Variants in PPM1B observed in about 807,000 individuals in gnomAD.
PPM1B encodes the protein protein phosphatase 1B.
In PPM1B, 22 loss-of-function variants were observed where a neutral mutation model predicts 43.0. The ratio of observed to expected loss-of-function variants is 0.51; its 90% CI spans 0.37 to 0.73. The LOEUF (loss-of-function observed/expected upper bound fraction) is 0.73. Among genes scored for constraint, PPM1B ranks in the 30% least tolerant of loss-of-function variants. The pLI is 0.00. For synonymous variants in PPM1B, 217 were observed against 197.9 expected, an observed-to-expected ratio of 1.10 and a Z score of -0.81; for missense variants, 632 against 584.2, an observed-to-expected ratio of 1.08 and a Z score of -0.84.
downstream of PPM1B, among the ~76,000 whole-genome samples, chr2:44,235,066 T>A (rs572349288): frequency 1.3e-5 from 2 of 152,326 alleles, no homozygotes; most frequent in South Asian, 4.1e-4. Flanking sequence ...CAGATAACTG[T>A]GGATATCAAA....
At chr2:44,170,187 T>G (rs1212257130) in intron 1 of PPM1B, among the ~76,000 whole-genome samples, 1 of 152,190 alleles carries the variant, frequency 6.6e-6, no homozygotes, top group Non-Finnish European at 1.5e-5. Flanking sequence ...AAAAAGTGCT[T>G]CTTAGGCGTT....
chr2:44,212,275 A>G (rs919855372), intron 3 of PPM1B, among the ~76,000 whole-genome samples: 2 of 152,152 alleles, frequency 1.3e-5, no homozygotes, highest in Non-Finnish European at 2.9e-5. Flanking sequence ...TTTCATATTT[A>G]TAACTCTCTT....
chr2:44,181,758 AAG>A (rs1180407246), intron 1 of PPM1B, among the ~76,000 whole-genome samples: 3 of 152,152 alleles, frequency 2.0e-5, no homozygotes, highest in Non-Finnish European at 2.9e-5. Flanking sequence ...GTTATATTTG[AAG>A]AGAGATGTAG....
chr2:44,188,816 TC>T (rs1668260883), intron 1 of PPM1B, among the ~76,000 whole-genome samples: 1 of 63,852 alleles, frequency 1.6e-5, no homozygotes, highest in African/African-American at 6.0e-5. Context: ...CCCCTCCCCC[TC>T]CCCCTACCTC....
chr2:44,234,036 C>G (rs1034734184), downstream of PPM1B: 1 of 977,038 alleles, frequency 1.0e-6, no homozygotes, highest in Non-Finnish European at 1.2e-6. Context: ...CAACTTGTTA[C>G]CTAAATAAAG....
intron 1 of PPM1B, among the ~76,000 whole-genome samples, chr2:44,187,513 T>C (rs1668180869): frequency 6.6e-6 from 1 of 152,226 alleles, no homozygotes; most frequent in Admixed American, 6.5e-5. Flanking sequence ...CAAAAGCTTT[T>C]AAGTTTCTTT....
At chr2:44,233,619 C>T (rs1349816022), downstream of PPM1B, 4 of 985,430 alleles carry the variant, frequency 4.1e-6, no homozygotes, top group Middle Eastern at 5.2e-4. Context: ...ATGTAATTGC[C>T]CTTGTGTGTA....
At chr2:44,213,541 A>G (rs904460912) in intron 3 of PPM1B, among the ~76,000 whole-genome samples, 2 of 152,172 alleles carry the variant, frequency 1.3e-5, no homozygotes, top group South Asian at 4.1e-4. Context: ...TACAATTAAA[A>G]GTATAAAACC....
downstream of PPM1B, among the ~76,000 whole-genome samples, chr2:44,236,731 C>T (rs1670634783): frequency 6.6e-6 from 1 of 152,144 alleles, no homozygotes; most frequent in African/African-American, 2.4e-5. Context: ...ACATGTCCAT[C>T]AAATATCTTT....
downstream of PPM1B, among the ~76,000 whole-genome samples, chr2:44,238,150 G>T (rs1041041434): frequency 6.6e-6 from 1 of 151,972 alleles, no homozygotes; most frequent in African/African-American, 2.4e-5. Context: ...TGATCCGCCC[G>T]CCTTGGCCTC....
intron 1 of PPM1B, among the ~76,000 whole-genome samples, chr2:44,188,926 T>C (rs1003287169): frequency 6.6e-6 from 1 of 151,904 alleles, no homozygotes; most frequent in Non-Finnish European, 1.5e-5. Context: ...TTTGTTGTTG[T>C]TGTTTTTCCC....
chr2:44,215,807 T>C (rs1669693707), intron 3 of PPM1B, among the ~76,000 whole-genome samples: 1 of 152,184 alleles, frequency 6.6e-6, no homozygotes, highest in South Asian at 2.1e-4. Context: ...CTATTTTTTT[T>C]TAATAGAGAA....
intron 4 of PPM1B, 72 bp from the exon 5 acceptor site, chr2:44,218,408 A>C: frequency 8.6e-7 from 1 of 1,167,598 alleles, no homozygotes; most frequent in East Asian, 2.4e-5. Context: ...GGTCAGGATG[A>C]AATATTGAGA....
chr2:44,218,535 G>A lies in PPM1B; in HGVS notation c.1132G>A (p.Gly378Arg). Residue 378 changes from glycine to arginine, a missense_variant and splice_region_variant, in exon 5 of 6, where the codon GGG becomes AGG. Transcript: ENST00000282412. Reference sequence around the variant, plus strand: ...ACTGAATCCACATAGAGAAAGTGATGGGGTAAGTTTTATTTTATTTCATAA... The same window carrying A: ...ACTGAATCCACATAGAGAAAGTGATAGGGTAAGTTTTATTTTATTTCATAA... ...SRLNPHRESD[G>R]ASDEAEESGS... The A allele has an allele frequency of 1.3e-6, 2 of 1,576,162 alleles. No homozygotes were observed. The highest frequency in any genetic ancestry group is 1.7e-6 in the Non-Finnish European group (2 of 1,163,070).
chr2:44,226,626 T>G (rs1670221155), intron 5 of PPM1B, among the ~76,000 whole-genome samples: 1 of 152,112 alleles, frequency 6.6e-6, no homozygotes, highest in Non-Finnish European at 1.5e-5. Context: ...GCTCCACAGG[T>G]AATTCCAATG....
At chr2:44,183,537 G>C (rs543489034) in intron 1 of PPM1B, among the ~76,000 whole-genome samples, 6 of 152,158 alleles carry the variant, frequency 3.9e-5, no homozygotes, top group Non-Finnish European at 8.8e-5. Context: ...AAAACCAGAG[G>C]AAGCCAAAAG....
At chr2:44,180,009 CAAA>C (rs766537523) in intron 1 of PPM1B, among the ~76,000 whole-genome samples, 5 of 83,652 alleles carry the variant, frequency 6.0e-5, no homozygotes, top group African/African-American at 1.7e-4. Context: ...AACTTCGTTC[CAAA>C]AAAAAAAAAA....
chr2:44,213,700 C>G (rs963956512), intron 3 of PPM1B: 37 of 152,032 alleles, frequency 2.4e-4, no homozygotes, highest in African/African-American at 7.5e-4. Context: ...TTTTAGGTCT[C>G]AATGCTTTTG....
chr2:44,192,196 GTATTGTATTGTATT>G (rs1668438478), intron 1 of PPM1B, among the ~76,000 whole-genome samples: 7 of 106,632 alleles, frequency 6.6e-5, no homozygotes, highest in Admixed American at 8.5e-5. Flanking sequence ...TTATGGTATT[GTATTGTATTGTATT>G]GTATTGTATT....
Sources: gnomAD v4.1 joint callset for allele counts (sites outside exome capture counted in the v4.1 genomes callset) on GRCh38, gnomAD v4.1.1 for gene constraint, MANE v1.5 for transcripts, NCBI Gene and HGNC (gene_info 2026-07-23, HGNC 2026-07-21) for gene names.